The following FAM167A variants were observed in gnomAD, a reference collection of about 807,000 sequenced individuals.
FAM167A encodes the protein family with sequence similarity 167 member A.
FAM167A carries 23 observed loss-of-function variants against 14.9 expected under a neutral mutation model. That is an observed-to-expected ratio of 1.55 (90% CI 1.11 to 2.19). The LOEUF (loss-of-function observed/expected upper bound fraction) is 2.19. Among genes scored for constraint, FAM167A ranks in the 30% most tolerant of loss-of-function variants. FAM167A has a pLI of 0.00. For synonymous variants in FAM167A, 174 were observed against 117.7 expected, an observed-to-expected ratio of 1.48 and a Z score of -3.10; for missense variants, 401 against 281.5, an observed-to-expected ratio of 1.42 and a Z score of -3.04.
intron 1 of FAM167A, chr8:11,445,424 C>T: frequency 2.0e-6 from 2 of 985,806 alleles, no homozygotes; most frequent in South Asian, 4.7e-5. Flanking sequence ...CCTTACCTCA[C>T]CTCTTCAGAG....
At chr8:11,427,728 G>T (rs1191178960) in intron 2 of FAM167A, among the ~76,000 whole-genome samples, 5 of 152,124 alleles carry the variant, frequency 3.3e-5, no homozygotes, top group African/African-American at 1.2e-4. Context: ...GAAAAATCAA[G>T]ATAGAAAGTC....
chr8:11,458,713 G>A (rs1807425635), intron 1 of FAM167A, among the ~76,000 whole-genome samples: 1 of 152,160 alleles, frequency 6.6e-6, no homozygotes, highest in Non-Finnish European at 1.5e-5. Context: ...ATATAAGCTT[G>A]GAGTTTCCAG....
chr8:11,469,894 A>AAATT (rs1226071586), upstream of FAM167A, among the ~76,000 whole-genome samples: 4 of 104,224 alleles, frequency 3.8e-5, no homozygotes, highest in African/African-American at 1.5e-4. Context: ...ATAAATAAAT[A>AAATT]AATAAATAAA....
chr8:11,430,944 C>T (rs1009947440), intron 2 of FAM167A, among the ~76,000 whole-genome samples: 3 of 152,134 alleles, frequency 2.0e-5, no homozygotes, highest in Non-Finnish European at 4.4e-5. Context: ...CTGACTCCTA[C>T]CCTCGGAGCT....
At chr8:11,438,087 C>T (rs770047757) in intron 2 of FAM167A, 12 of 455,236 alleles carry the variant, frequency 2.6e-5, no homozygotes, top group Non-Finnish European at 5.3e-5. Context: ...CTTGGCCTCA[C>T]CCCACCCCAG....
At position 11,424,396 on chromosome 8, in the gene FAM167A, A is replaced by G; in HGVS notation, c.622T>C (p.Ser208Pro). The G allele has an allele frequency of 6.2e-7, 1 of 1,613,850 alleles. No homozygotes were observed. Among genetic ancestry groups the G allele is most frequent in the Non-Finnish European group, 8.5e-7 (1 of 1,179,950 alleles). ...CCTCAGCAGAGAGAGAACCTCCGAGAGTTGATGTTCATCTTGGTCACGCCA... is the reference window on the plus strand; with the variant it reads ...CCTCAGCAGAGAGAGAACCTCCGAGGGTTGATGTTCATCTTGGTCACGCCA... ...LIGVTKMNIN[S>P]RRFSLC Residue 208 changes from serine to proline, a missense_variant, in exon 3 of 3, where the codon TCT (serine) becomes CCT (proline). By Grantham distance (74) the Ser-to-Pro change is moderately conservative (BLOSUM62 -1). Transcript: ENST00000284486.
chr8:11,457,312 C>T (rs991615289), intron 1 of FAM167A, among the ~76,000 whole-genome samples: 5 of 151,992 alleles, frequency 3.3e-5, no homozygotes, highest in Non-Finnish European at 7.4e-5. Context: ...TTTCCCCTCC[C>T]TGCTGCACAC....
chr8:11,446,652 C>T (rs1216408353), intron 1 of FAM167A: 1 of 152,190 alleles, frequency 6.6e-6, no homozygotes. Context: ...ATACCAACCT[C>T]CTATGTTCTA....
intron 2 of FAM167A, among the ~76,000 whole-genome samples, chr8:11,425,217 A>G (rs1805053918): frequency 1.3e-5 from 2 of 152,226 alleles, no homozygotes; most frequent in Admixed American, 1.3e-4. Flanking sequence ...AAACAGTTCT[A>G]AGGCCTTTGG....
chr8:11,427,668 C>T (rs142327701), intron 2 of FAM167A, among the ~76,000 whole-genome samples: 2 of 152,206 alleles, frequency 1.3e-5, no homozygotes, highest in East Asian at 1.9e-4. Flanking sequence ...TTTCCTCTCT[C>T]GTTTTTTATG....
At chr8:11,458,708 A>C (rs564148539) in intron 1 of FAM167A, among the ~76,000 whole-genome samples, 2 of 152,316 alleles carry the variant, frequency 1.3e-5, no homozygotes, top group Non-Finnish European at 1.5e-5. Context: ...GGAGGATATA[A>C]GCTTGGAGTT....
chr8:11,431,298 C>CA (rs1230869000), intron 2 of FAM167A, among the ~76,000 whole-genome samples: 1 of 152,202 alleles, frequency 6.6e-6, no homozygotes, highest in African/African-American at 2.4e-5. Context: ...CACTAAAGGC[C>CA]AAATACCGTA....
intron 2 of FAM167A, among the ~76,000 whole-genome samples, chr8:11,427,179 G>A (rs1005765764): frequency 6.6e-6 from 1 of 152,178 alleles, no homozygotes; most frequent in South Asian, 2.1e-4. Flanking sequence ...GGAGTCCTGA[G>A]ATGTATTTTC....
At chr8:11,447,481 TG>T (rs1203869328) in intron 1 of FAM167A, among the ~76,000 whole-genome samples, 4 of 152,376 alleles carry the variant, frequency 2.6e-5, no homozygotes, top group East Asian at 1.9e-4. Context: ...CCCTGTGAAC[TG>T]TGACCAGCTA....
chr8:11,456,878 C>T (rs959454622), intron 1 of FAM167A, among the ~76,000 whole-genome samples: 2 of 126,352 alleles, frequency 1.6e-5, no homozygotes, highest in African/African-American at 6.6e-5. Flanking sequence ...GTGAGTTGGG[C>T]CCTGGGTTAG....
At chr8:11,436,422 C>G (rs1469113149) in intron 2 of FAM167A, among the ~76,000 whole-genome samples, 1 of 152,336 alleles carries the variant, frequency 6.6e-6, no homozygotes, top group African/African-American at 2.4e-5. Flanking sequence ...TACGGCTGTT[C>G]TTGCTGGGCC....
At chr8:11,445,164 A>G (rs1806707629) in intron 1 of FAM167A, 1 of 985,098 alleles carries the variant, frequency 1.0e-6, no homozygotes, top group Non-Finnish European at 1.2e-6. Context: ...TCCCAGCAAT[A>G]AGTTGTGGGG....
intron 1 of FAM167A, among the ~76,000 whole-genome samples, chr8:11,473,782 A>G (rs1235674590): frequency 6.6e-6 from 1 of 152,138 alleles, no homozygotes; most frequent in African/African-American, 2.4e-5. Flanking sequence ...ATTAGAATTA[A>G]CGCCTAGAAA....
rs1179173150 is a variant in FAM167A, at chr8:11,444,454, G to A, written c.-43C>T. On this transcript the variant is annotated 5_prime_UTR_variant, in exon 2 of 3. Coordinates refer to ENST00000284486, the MANE Select transcript of FAM167A (RefSeq NM_053279.3). ...CAGCCGGACATGCGAGGGCACGGGG[G>A]GCGCAGGGGGAGGCTTGGTGGGTGG... is the stretch of plus-strand genomic sequence containing the variant. 2.6e-5 allele frequency: 40 copies of A among 1,510,994 alleles called. No individual in the cohort carries two copies. Among genetic ancestry groups the A allele is most frequent in the Non-Finnish European group, 3.3e-5 (37 of 1,131,422 alleles). The allele number at this position is 1,510,994 out of a possible 1,614,324, so 93.6% of individuals were successfully genotyped here.
Sources: gnomAD v4.1 joint callset for allele counts (sites outside exome capture counted in the v4.1 genomes callset) on GRCh38, gnomAD v4.1.1 for gene constraint, MANE v1.5 for transcripts, NCBI Gene and HGNC (gene_info 2026-07-23, HGNC 2026-07-21) for gene names.